The following ZNF428 variants were observed in gnomAD, a reference collection of about 807,000 sequenced individuals.
ZNF428 encodes the protein enzyme-like protein PIT13.
A neutral mutation model predicts 15.6 loss-of-function variants in ZNF428; 5 were observed. The ratio of observed to expected loss-of-function variants is 0.32; its 90% CI spans 0.17 to 0.67. The LOEUF is 0.67. Ranked by LOEUF, ZNF428 falls within the 30% of genes least tolerant of loss-of-function variation. The pLI, the probability that ZNF428 is intolerant of heterozygous loss-of-function variation, is 0.73. For synonymous variants in ZNF428, 97 were observed against 102.2 expected, an observed-to-expected ratio of 0.95 and a Z score of 0.31; for missense variants, 237 against 256.0, an observed-to-expected ratio of 0.93 and a Z score of 0.51.
At chr19:43,616,060 T>G (rs1973368807) in intron 1 of ZNF428, among the ~76,000 whole-genome samples, 1 of 152,198 alleles carries the variant, frequency 6.6e-6, no homozygotes, top group Non-Finnish European at 1.5e-5. Context: ...GTCAGAGAGA[T>G]TCTGTTTCTT....
Position 43,608,065 on chromosome 19 carries a change from G to A in ZNF428, c.119C>T (p.Pro40Leu), listed in dbSNP as rs146569540. Residue 40 changes from proline to leucine, a missense_variant, in exon 3 of 3, where the codon CCG (proline) becomes CTG (leucine). Transcript: ENST00000300811. ...CTCATCTTCTTCCTCTTCGGAGTCC[G>A]GCTCTGAGAGAGTGTATTCTGAATC... ...SSDSEYTLSEPDSEEEEDEEE... is the reference protein window; with the variant it reads ...SSDSEYTLSELDSEEEEDEEE... The A allele has an allele frequency of 9.3e-6, 15 of 1,613,802 alleles. No individual in the cohort carries two copies. The highest frequency in any genetic ancestry group is 6.7e-5 in the African/African-American group (5 of 74,940).
intron 2 of ZNF428, chr19:43,611,958 C>G (rs923628471): frequency 7.9e-6 from 5 of 629,058 alleles, no homozygotes; most frequent in Non-Finnish European, 1.4e-5. Context: ...CCTCCCCTCT[C>G]TCCTCCCACC....
At chr19:43,608,146 G>A (rs1447674343) in intron 2 of ZNF428, 39 bp from the exon 3 acceptor site, 1 of 1,579,384 alleles carries the variant, frequency 6.3e-7, no homozygotes, top group Non-Finnish European at 8.6e-7. Flanking sequence ...TGGTATCAGA[G>A]GAAAGAGGGC....
At position 43,612,171 on chromosome 19, in the gene ZNF428, G is replaced by C; in HGVS notation, c.76+2058C>G. ...AAGCCCAGTATGTCTCTGGCACCCAGTGGATCCTCCATGCCCACTGCGGAT... is the reference window on the plus strand; with the variant it reads ...AAGCCCAGTATGTCTCTGGCACCCACTGGATCCTCCATGCCCACTGCGGAT... On this transcript the variant is annotated intron_variant, in intron 2 of 2. Coordinates refer to ENST00000300811, the MANE Select transcript of ZNF428 (RefSeq NM_182498.4). This position sits in a 1 kb window ranked among gnomAD's most constrained non-coding sequence, Gnocchi z 4.2. The C allele has an allele frequency of 6.4e-7, 1 of 1,551,704 alleles. No individual in the cohort carries two copies. Among genetic ancestry groups the C allele is most frequent in the Non-Finnish European group, 8.7e-7 (1 of 1,146,994 alleles).
intron 2 of ZNF428, among the ~76,000 whole-genome samples, chr19:43,608,841 C>T (rs530417924): frequency 8.1e-4 from 122 of 151,040 alleles, no homozygotes; most frequent in African/African-American, 2.7e-3. Flanking sequence ...GGCAGGAGAA[C>T]TGCTTCAACC....
chr19:43,616,595 C>T (rs1973373945), intron 1 of ZNF428, among the ~76,000 whole-genome samples: 2 of 152,310 alleles, frequency 1.3e-5, no homozygotes, highest in South Asian at 4.1e-4. Context: ...GATTTCTCAG[C>T]TCAAAAGGTT....
chr19:43,609,008 G>A (rs1300477712), intron 2 of ZNF428, among the ~76,000 whole-genome samples: 1 of 152,102 alleles, frequency 6.6e-6, no homozygotes, highest in East Asian at 1.9e-4. Flanking sequence ...ACTCCATGGG[G>A]AGGTGGGGTG....
rs765736312 is a variant in ZNF428 at position 43,612,635 on chromosome 19, A to T, written c.76+1594T>A. 43 of 1,551,394 alleles carry T rather than the reference A, an allele frequency of 2.8e-5. No homozygotes were observed. Among genetic ancestry groups the T allele is most frequent in the Non-Finnish European group, 3.2e-5 (37 of 1,146,974 alleles). On this transcript the variant is annotated intron_variant, in intron 2 of 2. Transcript: ENST00000300811. The surrounding 1 kb of genome is among the most constrained non-coding windows in gnomAD (Gnocchi z 4.2). ...ACAGCAAAAAGGGAGCCGGGGAAAG[A>T]GTTACGGCCGGCCTAGAACCAGCAA...
chr19:43,616,934 G>A (rs1184835345), intron 1 of ZNF428, among the ~76,000 whole-genome samples: 2 of 151,578 alleles, frequency 1.3e-5, no homozygotes, highest in South Asian at 2.1e-4. Context: ...GGGATTACAG[G>A]CAGCCACCAC....
At chr19:43,611,992 C>T (rs1200101938) in intron 2 of ZNF428, 2 of 710,980 alleles carry the variant, frequency 2.8e-6, no homozygotes, top group African/African-American at 1.8e-5. Context: ...CACTCACCCT[C>T]CAGAGTCTTC....
Position 43,612,273 on chromosome 19 carries a change from C to T in ZNF428, c.76+1956G>A. 1.3e-6 allele frequency: 2 copies of T among 1,551,750 alleles called. No homozygotes were observed. Among genetic ancestry groups the T allele is most frequent in the Middle Eastern group, 1.7e-4 (1 of 5,992 alleles). On this transcript the variant is annotated intron_variant, in intron 2 of 2. Coordinates refer to ENST00000300811, the MANE Select transcript of ZNF428 (RefSeq NM_182498.4). The surrounding 1 kb of genome is among the most constrained non-coding windows in gnomAD (Gnocchi z 4.2). ...TCCTTAGTGCCCACCAAACCAGCGA[C>T]ATCCCGTAACTCAGTCATGAGCCCA... is the stretch of plus-strand genomic sequence containing the variant.
chr19:43,611,922 A>T (rs1973301357), intron 2 of ZNF428: 3 of 602,022 alleles, frequency 5.0e-6, no homozygotes, highest in Admixed American at 3.0e-5. Flanking sequence ...AACCAGAGGA[A>T]ATATCTCCAG....
At position 43,614,311 on chromosome 19, in the gene ZNF428, G is replaced by A; in HGVS notation, c.-7C>T. ...GCTCACGGGTCTCTGTCATGACCGGGGGAGGGGACAGGAGACAGGAGCAGA... is the reference window on the plus strand; with the variant it reads ...GCTCACGGGTCTCTGTCATGACCGGAGGAGGGGACAGGAGACAGGAGCAGA... On this transcript the variant is annotated 5_prime_UTR_variant, in exon 2 of 3. Transcript: ENST00000300811. 1 of 1,599,968 alleles carries A rather than the reference G, an allele frequency of 6.3e-7. No individual in the cohort carries two copies. Among genetic ancestry groups the A allele is most frequent in the Middle Eastern group, 1.7e-4 (1 of 5,966 alleles).
intron 2 of ZNF428, among the ~76,000 whole-genome samples, chr19:43,609,624 C>T (rs566465649): frequency 2.9e-4 from 44 of 151,974 alleles, no homozygotes; most frequent in Non-Finnish European, 5.3e-4. Context: ...TGCCTATAGT[C>T]CCAGCTACTC....
intron 1 of ZNF428, among the ~76,000 whole-genome samples, chr19:43,618,180 G>A (rs976312356): frequency 6.6e-6 from 1 of 151,550 alleles, no homozygotes; most frequent in Non-Finnish European, 1.5e-5. Flanking sequence ...GACTACAGGC[G>A]CCTGCCACCA....
At position 43,612,697 on chromosome 19, in the gene ZNF428, CAAG is replaced by C; in HGVS notation, c.76+1529_76+1531del. 5 of 1,551,548 alleles carry C rather than the reference CAAG, an allele frequency of 3.2e-6. No individual in the cohort carries two copies. The highest frequency in any genetic ancestry group is 4.4e-6 in the Non-Finnish European group (5 of 1,146,984). On this transcript the variant is annotated intron_variant, in intron 2 of 2. Coordinates refer to ENST00000300811, the MANE Select transcript of ZNF428 (RefSeq NM_182498.4). The surrounding 1 kb of genome is among the most constrained non-coding windows in gnomAD (Gnocchi z 4.2). ...GTGACAGCCAGCCTAGAAATCTGAGCAAGAAGAGTTACCGCCCACCAGGAGGCT... is the reference window on the plus strand; with the variant it reads ...GTGACAGCCAGCCTAGAAATCTGAGCAAGAGTTACCGCCCACCAGGAGGCT...
intron 2 of ZNF428, chr19:43,613,078 G>C (rs1015954184): frequency 6.4e-7 from 1 of 1,551,454 alleles, no homozygotes; most frequent in African/African-American, 1.4e-5. Flanking sequence ...GTCGCACCCG[G>C]AAGGGAATTC....
rs1408365097 is a variant in ZNF428, at chr19:43,613,448, C to T, written c.76+781G>A. Reference sequence around the variant, plus strand: ...GAGAGATTGCAGCCGATCTAGAAGTCCCTACAAGGCGAGAGATCGCAGCCG... The same window carrying T: ...GAGAGATTGCAGCCGATCTAGAAGTTCCTACAAGGCGAGAGATCGCAGCCG... On this transcript the variant is annotated intron_variant, in intron 2 of 2. Coordinates refer to ENST00000300811, the MANE Select transcript of ZNF428 (RefSeq NM_182498.4). The T allele has an allele frequency of 5.2e-6, 8 of 1,544,864 alleles. No homozygotes were observed. The South Asian group carries it at 8.4e-5, about 16-fold the overall frequency.
intron 2 of ZNF428, among the ~76,000 whole-genome samples, chr19:43,608,820 C>T (rs1002208635): frequency 6.0e-5 from 9 of 150,780 alleles, no homozygotes; most frequent in Admixed American, 1.3e-4. Flanking sequence ...CCCAGCTACT[C>T]GGGAGGCTGA....
Sources: gnomAD v4.1 joint callset for allele counts (sites outside exome capture counted in the v4.1 genomes callset) on GRCh38, gnomAD v4.1.1 for gene constraint, Gnocchi (gnomAD v3.1) non-coding constraint, MANE v1.5 for transcripts, NCBI Gene and HGNC (gene_info 2026-07-23, HGNC 2026-07-21) for gene names.